OTUD7A: variants seen among roughly 807,000 people sequenced by gnomAD.
The protein encoded by OTUD7A is OTU domain-containing protein 7A.
In OTUD7A, 12 loss-of-function variants were observed where a neutral mutation model predicts 65.7. The observed-to-expected ratio is 0.18, with a 90% CI of 0.12 to 0.30. The LOEUF (loss-of-function observed/expected upper bound fraction) is 0.30. Among genes scored for constraint, OTUD7A ranks in the 10% least tolerant of loss-of-function variants. The pLI, the probability that OTUD7A is intolerant of heterozygous loss-of-function variation, is 1.00. For synonymous variants in OTUD7A, 641 were observed against 586.3 expected (o/e 1.09, Z -1.35); for missense variants, 1,148 against 1,304.8 (o/e 0.88, Z 1.85).
chr15:31,770,601 A>G (rs1225372036), intron 1 of OTUD7A, among the ~76,000 whole-genome samples: 1 of 152,226 alleles, frequency 6.6e-6, no homozygotes, highest in Non-Finnish European at 1.5e-5. Context: ...TCAAAGCCAG[A>G]CAAAGAAAAG....
chr15:31,784,567 A>C (rs947119048), intron 1 of OTUD7A, among the ~76,000 whole-genome samples: 1 of 152,212 alleles, frequency 6.6e-6, no homozygotes, highest in African/African-American at 2.4e-5. Flanking sequence ...ATAAATTCTC[A>C]GTATTAATTT....
At chr15:31,495,087 G>A (rs532005954) in intron 10 of OTUD7A, among the ~76,000 whole-genome samples, 24 of 152,302 alleles carry the variant, frequency 1.6e-4, no homozygotes, top group African/African-American at 5.8e-4. Flanking sequence ...TAGCTCAGGA[G>A]GGGACAGGCA....
chr15:31,686,595 C>A (rs1892842738), intron 1 of OTUD7A, among the ~76,000 whole-genome samples: 1 of 152,200 alleles, frequency 6.6e-6, no homozygotes, highest in Non-Finnish European at 1.5e-5. Flanking sequence ...AGGAGACAAG[C>A]AAGGATTCCT....
At chr15:31,774,154 A>G (rs1029573045) in intron 1 of OTUD7A, among the ~76,000 whole-genome samples, 1 of 152,202 alleles carries the variant, frequency 6.6e-6, no homozygotes, top group Admixed American at 6.5e-5. Context: ...ATGGAAATGC[A>G]TTCTGGAGTT....
At chr15:31,595,333 G>A (rs1308543836) in intron 3 of OTUD7A, among the ~76,000 whole-genome samples, 2 of 152,206 alleles carry the variant, frequency 1.3e-5, no homozygotes, top group Non-Finnish European at 2.9e-5. Flanking sequence ...GTATCTTTCT[G>A]TGCTTGGCTT....
chr15:31,574,332 C>T (rs1365372164), intron 3 of OTUD7A, among the ~76,000 whole-genome samples: 3 of 151,978 alleles, frequency 2.0e-5, no homozygotes, highest in East Asian at 3.9e-4. Context: ...TAAAACCAAC[C>T]GTATCTGTGA....
intron 1 of OTUD7A, among the ~76,000 whole-genome samples, chr15:31,854,975 G>A (rs185574160): frequency 3.2e-4 from 49 of 152,204 alleles, no homozygotes; most frequent in African/African-American, 1.2e-3. Flanking sequence ...ATCAACCCCA[G>A]AGATAAGCAA....
At chr15:31,828,054 T>C (rs758445624) in intron 1 of OTUD7A, among the ~76,000 whole-genome samples, 1 of 152,184 alleles carries the variant, frequency 6.6e-6, no homozygotes. Context: ...TCCTGGTTAA[T>C]CTCTGTGATG....
At chr15:31,808,956 A>G (rs1896351266) in intron 1 of OTUD7A, among the ~76,000 whole-genome samples, 1 of 152,156 alleles carries the variant, frequency 6.6e-6, no homozygotes, top group African/African-American at 2.4e-5. Flanking sequence ...TTTCCTTTTT[A>G]AACTTGCTGG....
chr15:31,822,712 T>C (rs1014641785), intron 1 of OTUD7A, among the ~76,000 whole-genome samples: 6 of 152,218 alleles, frequency 3.9e-5, no homozygotes, highest in African/African-American at 1.2e-4. Flanking sequence ...TCAGCAATTG[T>C]AGAGCCTGAA....
Position 31,630,380 on chromosome 15 carries a change from GT to G in OTUD7A, c.151+24715del, listed in dbSNP as rs1450757347. Among the ~76,000 whole-genome samples, 57 of 152,206 alleles carry G rather than the reference GT, an allele frequency of 3.7e-4. 1 individual carries two copies. The highest frequency in any genetic ancestry group is 1.3e-3 in the African/African-American group (54 of 41,518). On this transcript the variant is annotated intron_variant, in intron 3 of 12. Transcript: ENST00000307050. Reference sequence around the variant, plus strand: ...TAGTCATTCAGGAGCAGGTTGTTCAGTTTCCATGTAGTTGAGTGGTTTTCAG... The same window carrying G: ...TAGTCATTCAGGAGCAGGTTGTTCAGTTCCATGTAGTTGAGTGGTTTTCAG...
At chr15:31,507,233 G>C (rs377371479) in intron 8 of OTUD7A, among the ~76,000 whole-genome samples, 2 of 152,146 alleles carry the variant, frequency 1.3e-5, no homozygotes, top group African/African-American at 4.8e-5. Flanking sequence ...CTATATTATA[G>C]AAGTGATTAA....
At chr15:31,570,538 TA>T (rs1889020580) in intron 3 of OTUD7A, among the ~76,000 whole-genome samples, 1 of 152,042 alleles carries the variant, frequency 6.6e-6, no homozygotes, top group African/African-American at 2.4e-5. Context: ...AATCAAGTTG[TA>T]GAGCTTACTC....
chr15:31,779,399 G>T (rs151007276), intron 1 of OTUD7A, among the ~76,000 whole-genome samples: 1 of 152,180 alleles, frequency 6.6e-6, no homozygotes, highest in Non-Finnish European at 1.5e-5. Context: ...ATTTTTAGAG[G>T]CTACAGGAGA....
At chr15:31,753,465 C>T (rs1423176823) in intron 1 of OTUD7A, among the ~76,000 whole-genome samples, 1 of 151,604 alleles carries the variant, frequency 6.6e-6, no homozygotes. Flanking sequence ...CCACTCTTTC[C>T]CCAAGTCCCC....
intron 5 of OTUD7A, among the ~76,000 whole-genome samples, chr15:31,531,816 G>A (rs1887633999): frequency 1.3e-5 from 2 of 152,162 alleles, no homozygotes; most frequent in South Asian, 4.1e-4. Flanking sequence ...ACCCCACTGG[G>A]TGGTAATAAG....
intron 3 of OTUD7A, among the ~76,000 whole-genome samples, chr15:31,619,065 G>C (rs1890689303): frequency 6.6e-6 from 1 of 152,152 alleles, no homozygotes; most frequent in Non-Finnish European, 1.5e-5. Flanking sequence ...TGTCAGGCTT[G>C]TCAAAGATCA....
chr15:31,832,401 T>A (rs1896955631), intron 1 of OTUD7A, among the ~76,000 whole-genome samples: 1 of 152,214 alleles, frequency 6.6e-6, no homozygotes, highest in South Asian at 2.1e-4. Flanking sequence ...TGAGTGGTCT[T>A]TCCATCTCCA....
At chr15:31,529,838 A>G (rs1385923486) in intron 6 of OTUD7A, among the ~76,000 whole-genome samples, 2 of 152,222 alleles carry the variant, frequency 1.3e-5, no homozygotes, top group African/African-American at 4.8e-5. Context: ...TTGACAAACA[A>G]GGACTGCATT....
Sources: gnomAD v4.1 joint callset for allele counts (sites outside exome capture counted in the v4.1 genomes callset) on GRCh38, gnomAD v4.1.1 for gene constraint, MANE v1.5 for transcripts, NCBI Gene and HGNC (gene_info 2026-07-23, HGNC 2026-07-21) for gene names.